The following WWOX variants were observed in gnomAD, a reference collection of about 807,000 sequenced individuals.
The protein encoded by WWOX is WW domain-containing oxidoreductase.
In WWOX, 69 loss-of-function variants were observed where a neutral mutation model predicts 46.2. The ratio of observed to expected loss-of-function variants is 1.49; its 90% confidence interval spans 1.23 to 1.82. The LOEUF is 1.82. Ranked by LOEUF, WWOX falls within the 40% of genes most tolerant of loss-of-function variation. WWOX has a pLI of 0.00. For synonymous variants in WWOX, 359 were observed against 202.6 expected (o/e 1.77, Z -6.56); for missense variants, 919 against 542.6 (o/e 1.69, Z -6.89).
At chr16:79,076,190 A>G (rs186376631) in intron 8 of WWOX, among the ~76,000 whole-genome samples, 65 of 152,348 alleles carry the variant, frequency 4.3e-4, no homozygotes, top group Non-Finnish European at 1.0e-4. Context: ...ATATCAGGGA[A>G]CAAACTGTCA....
chr16:78,888,722 C>G (rs1166762822), intron 8 of WWOX, among the ~76,000 whole-genome samples: 3 of 152,148 alleles, frequency 2.0e-5, no homozygotes, highest in Non-Finnish European at 4.4e-5. Flanking sequence ...TAGACACAGA[C>G]TAGACAACGA....
chr16:78,882,948 G>A (rs112156244), intron 8 of WWOX, among the ~76,000 whole-genome samples: 4,352 of 152,224 alleles, frequency 0.029, 113 homozygotes, highest in African/African-American at 0.061. Flanking sequence ...CAGCGATGTC[G>A]TAGGCTGAGG....
At chr16:78,585,475 T>C (rs1451157378) in intron 8 of WWOX, among the ~76,000 whole-genome samples, 1 of 152,092 alleles carries the variant, frequency 6.6e-6, no homozygotes, top group Non-Finnish European at 1.5e-5. Context: ...CAACTCAACT[T>C]TCACTGGCCA....
At chr16:79,081,955 G>C (rs574010996) in intron 8 of WWOX, among the ~76,000 whole-genome samples, 1 of 152,340 alleles carries the variant, frequency 6.6e-6, no homozygotes, top group South Asian at 2.1e-4. Flanking sequence ...TAACTGCAAA[G>C]GGGTGGTTGA....
intron 8 of WWOX, among the ~76,000 whole-genome samples, chr16:79,144,577 G>T (rs2050150245): frequency 6.6e-6 from 1 of 151,998 alleles, no homozygotes. Flanking sequence ...TTGAATTTTG[G>T]AGTGCATTAA....
At chr16:78,818,211 A>G (rs747642762) in intron 8 of WWOX, among the ~76,000 whole-genome samples, 48 of 152,170 alleles carry the variant, frequency 3.2e-4, no homozygotes, top group Non-Finnish European at 5.9e-4. Flanking sequence ...TGGAAAGGCT[A>G]ATGGCTGAAG....
At chr16:78,666,421 C>T (rs957016694) in intron 8 of WWOX, among the ~76,000 whole-genome samples, 1 of 152,176 alleles carries the variant, frequency 6.6e-6, no homozygotes, top group Non-Finnish European at 1.5e-5. Flanking sequence ...ACAACCCAAG[C>T]CCCAGTGTGT....
chr16:78,446,657 C>CTTTTTTTTTT (rs5818138), intron 8 of WWOX, among the ~76,000 whole-genome samples: 1 of 88,118 alleles, frequency 1.1e-5, no homozygotes, highest in Admixed American at 1.5e-4. Flanking sequence ...CAAGTGTATA[C>CTTTTTTTTTT]TTTTTTTTTT....
intron 5 of WWOX, among the ~76,000 whole-genome samples, chr16:78,273,732 G>T (rs907044882): frequency 6.6e-6 from 1 of 152,212 alleles, no homozygotes; most frequent in African/African-American, 2.4e-5. Context: ...TTGGCCAACA[G>T]CTCTGAAGGG....
chr16:78,738,752 C>T (rs2049147193), intron 8 of WWOX, among the ~76,000 whole-genome samples: 1 of 152,144 alleles, frequency 6.6e-6, no homozygotes, highest in Non-Finnish European at 1.5e-5. Flanking sequence ...ACAGAGGCTG[C>T]AGCTGGTTAG....
chr16:79,199,988 T>C lies in WWOX; in HGVS notation c.1057-11620T>C, dbSNP rs113690632. Reference sequence around the variant, plus strand: ...TAACTGTGGGGGCAGAGAGTTCCAATTGCAACTGGCTTGTTGTGAGACTGC... The same window carrying C: ...TAACTGTGGGGGCAGAGAGTTCCAACTGCAACTGGCTTGTTGTGAGACTGC... On this transcript the variant is annotated intron_variant, in intron 8 of 8. Transcript: ENST00000566780. Among the ~76,000 whole-genome samples the C allele has an allele frequency of 2.2e-4, 33 of 152,250 alleles. 1 individual carries two copies. Among genetic ancestry groups the C allele is most frequent in the East Asian group, 1.4e-3 (7 of 5,168 alleles).
intron 8 of WWOX, among the ~76,000 whole-genome samples, chr16:78,757,699 A>G (rs1026132533): frequency 1.3e-5 from 2 of 151,814 alleles, no homozygotes; most frequent in Admixed American, 6.6e-5. Flanking sequence ...TTTTATTTAT[A>G]TAAATAAATC....
At chr16:78,868,168 A>T (rs1042174510) in intron 8 of WWOX, among the ~76,000 whole-genome samples, 1 of 152,218 alleles carries the variant, frequency 6.6e-6, no homozygotes, top group African/African-American at 2.4e-5. Flanking sequence ...AATGTAGTCT[A>T]TCGACACAAT....
intron 8 of WWOX, among the ~76,000 whole-genome samples, chr16:78,590,182 T>TA (rs371970103): frequency 6.3e-5 from 9 of 142,410 alleles, no homozygotes; most frequent in Non-Finnish European, 1.2e-4. Flanking sequence ...TAGATAGAAA[T>TA]AAAAAAATTA....
intron 8 of WWOX, among the ~76,000 whole-genome samples, chr16:78,643,606 C>G (rs1054092558): frequency 3.0e-4 from 46 of 152,296 alleles, no homozygotes; most frequent in African/African-American, 1.1e-3. Context: ...CAGCCACGCG[C>G]TGAATCTGCT....
At chr16:78,976,438 A>G (rs1200695496) in intron 8 of WWOX, among the ~76,000 whole-genome samples, 1 of 152,208 alleles carries the variant, frequency 6.6e-6, no homozygotes. Flanking sequence ...GCCTGTGACT[A>G]ACAGCCACAT....
At chr16:78,830,424 C>A (rs72801091) in intron 8 of WWOX, among the ~76,000 whole-genome samples, 10,353 of 152,102 alleles carry the variant, frequency 0.068, 335 homozygotes, top group South Asian at 0.14. Flanking sequence ...TGGCTCTCCC[C>A]TCCCCCACTT....
intron 8 of WWOX, among the ~76,000 whole-genome samples, chr16:78,797,102 A>T (rs575424738): frequency 6.6e-6 from 1 of 152,178 alleles, no homozygotes; most frequent in East Asian, 1.9e-4. Context: ...TTGGGGTTGC[A>T]GGCGTGAGCC....
intron 6 of WWOX, among the ~76,000 whole-genome samples, chr16:78,408,589 G>A (rs2082602719): frequency 6.6e-6 from 1 of 152,210 alleles, no homozygotes; most frequent in Non-Finnish European, 1.5e-5. Context: ...GTAACAGCTT[G>A]ATCTCCTGTC....
Sources: allele counts gnomAD v4.1 joint callset (sites outside exome capture counted in the v4.1 genomes callset), GRCh38; gene constraint gnomAD v4.1.1; transcripts MANE v1.5; gene names NCBI Gene and HGNC (gene_info 2026-07-23, HGNC 2026-07-21).